Variants in NAV2 observed in about 807,000 individuals in gnomAD.
The protein encoded by NAV2 is helicase, APC down-regulated 1.
A neutral mutation model predicts 223.2 loss-of-function variants in NAV2; 54 were observed. The observed-to-expected ratio is 0.24, with a 90% CI of 0.19 to 0.30. NAV2 has a LOEUF of 0.30. Among genes scored for constraint, NAV2 ranks in the 10% least tolerant of loss-of-function variants. The pLI, the probability that NAV2 is intolerant of heterozygous loss-of-function variation, is 1.00. For synonymous variants in NAV2, 1,279 were observed against 1,239.3 expected, an observed-to-expected ratio of 1.03 and a Z score of -0.67; for missense variants, 2,806 against 3,147.5, an observed-to-expected ratio of 0.89 and a Z score of 2.60.
At chr11:19,939,957 C>G (rs1235248699) in intron 8 of NAV2, among the ~76,000 whole-genome samples, 184 bp downstream of exon 8, 2 of 145,522 alleles carry the variant, frequency 1.4e-5, no homozygotes, top group African/African-American at 2.5e-5. Flanking sequence ...CTTCCCTTTT[C>G]TCTCCCTCTT....
At chr11:19,893,634 T>C (rs2041696617) in intron 6 of NAV2, among the ~76,000 whole-genome samples, 1 of 152,110 alleles carries the variant, frequency 6.6e-6, no homozygotes, top group South Asian at 2.1e-4. Context: ...CCTCCCTACA[T>C]ATGAAGGAAA....
chr11:19,386,336 T>C (rs994427637), intron 1 of NAV2, among the ~76,000 whole-genome samples: 2 of 152,234 alleles, frequency 1.3e-5, no homozygotes, highest in Admixed American at 6.5e-5. Context: ...TGATGTCTTA[T>C]GTGATCTTGG....
intron 1 of NAV2, among the ~76,000 whole-genome samples, chr11:19,492,439 A>G (rs2042661097): frequency 6.6e-6 from 1 of 152,226 alleles, no homozygotes; most frequent in African/African-American, 2.4e-5. Context: ...GAGGGAGCAC[A>G]CTTTCTTCGT....
chr11:19,391,524 T>C (rs191555253), intron 1 of NAV2, among the ~76,000 whole-genome samples: 6 of 152,118 alleles, frequency 3.9e-5, no homozygotes, highest in South Asian at 2.1e-4. Context: ...TCCCCTTACA[T>C]TGGAGGAGGA....
At chr11:20,079,916 G>A (rs2059985952) in intron 24 of NAV2, 148 bp from the exon 25 acceptor site, 2 of 757,796 alleles carry the variant, frequency 2.6e-6, no homozygotes, top group Admixed American at 5.8e-5. Flanking sequence ...AAGGATCTTA[G>A]AAACAGCTGT....
intron 1 of NAV2, among the ~76,000 whole-genome samples, chr11:19,527,375 A>G (rs1376353259): frequency 1.3e-5 from 2 of 151,990 alleles, no homozygotes; most frequent in African/African-American, 4.8e-5. Flanking sequence ...CTTTTTCTTT[A>G]TAAATTACCC....
intron 1 of NAV2, among the ~76,000 whole-genome samples, chr11:19,607,334 C>G (rs1443830831): frequency 6.6e-6 from 1 of 152,208 alleles, no homozygotes; most frequent in East Asian, 1.9e-4. Context: ...CTCTAGCTGC[C>G]CTGTTCTTGC....
chr11:19,677,240 CAG>C (rs1389764247), intron 1 of NAV2, among the ~76,000 whole-genome samples: 1 of 152,252 alleles, frequency 6.6e-6, no homozygotes, highest in Non-Finnish European at 1.5e-5. Flanking sequence ...AGTCTGGCTG[CAG>C]AGTGATTTCC....
intron 1 of NAV2, chr11:19,384,487 T>G (rs2702695): frequency 0.94 from 142,602 of 152,306 alleles, 67,002 homozygotes; most frequent in Middle Eastern, 0.99. Context: ...TGGAACTATC[T>G]AGGATAGGGT....
intron 3 of NAV2, among the ~76,000 whole-genome samples, chr11:19,862,937 A>T (rs988679367): frequency 1.3e-5 from 2 of 152,050 alleles, no homozygotes; most frequent in Non-Finnish European, 2.9e-5. Context: ...TTAGTTTTGG[A>T]AAGAGACAGA....
intron 1 of NAV2, among the ~76,000 whole-genome samples, chr11:19,493,203 T>A (rs2042686780): frequency 6.7e-6 from 1 of 149,284 alleles, no homozygotes; most frequent in Non-Finnish European, 1.5e-5. Flanking sequence ...GGTTCTTCCC[T>A]CCCCCCATTA....
chr11:19,686,183 G>A (rs921512338), intron 1 of NAV2, among the ~76,000 whole-genome samples: 1 of 151,972 alleles, frequency 6.6e-6, no homozygotes, highest in Admixed American at 6.6e-5. Flanking sequence ...AGTCCCTATG[G>A]TGACATCGCT....
intron 1 of NAV2, among the ~76,000 whole-genome samples, chr11:19,408,839 A>C (rs1850017890): frequency 2.0e-5 from 3 of 151,908 alleles, no homozygotes; most frequent in Admixed American, 6.6e-5. Flanking sequence ...GGATGTTAAT[A>C]CTCCAAACTG....
rs764982602 is a variant in NAV2, at chr11:19,948,848, C to T, written c.2413C>T (p.Pro805Ser). 2 of 1,614,074 alleles carry T rather than the reference C, an allele frequency of 1.2e-6. No individual in the cohort carries two copies. The highest frequency in any genetic ancestry group is 2.2e-5 in the South Asian group (2 of 91,062). ...GDAPSMGNGY[P>S]PRANASRFIN... ...CGCCCCCTCAATGGGCAATGGGTAT[C>T]CCCCTCGAGCCAACGCCAGCAGGTT... The change falls in exon 10 of 38, where the codon CCC (proline) becomes TCC (serine). Residue 805 changes from proline (P) to serine (S), a missense_variant. Pro to Ser is a moderately conservative substitution (Grantham distance 74, BLOSUM62 -1). Coordinates refer to ENST00000349880, the MANE Select transcript of NAV2 (RefSeq NM_145117.5).
intron 1 of NAV2, among the ~76,000 whole-genome samples, chr11:19,543,852 C>T (rs1480511077): frequency 1.3e-5 from 2 of 152,122 alleles, no homozygotes; most frequent in African/African-American, 4.8e-5. Flanking sequence ...CTTATAGCTC[C>T]CCAAGTATTT....
chr11:19,906,797 A>C (rs1160686545), intron 6 of NAV2, among the ~76,000 whole-genome samples: 1 of 152,138 alleles, frequency 6.6e-6, no homozygotes, highest in African/African-American at 2.4e-5. Flanking sequence ...CAGCTGTTAA[A>C]GTAGAACTCC....
At chr11:20,103,565 G>T in intron 33 of NAV2, 88 bp from the exon 34 acceptor site, 2 of 1,521,254 alleles carry the variant, frequency 1.3e-6, no homozygotes, top group South Asian at 2.3e-5. Context: ...CACTGGCCTG[G>T]AAGCACAGGG....
chr11:19,664,971 G>T lies in NAV2; in HGVS notation c.76-167513G>T, dbSNP rs116671290. On this transcript the variant is annotated intron_variant, in intron 1 of 37. Transcript: ENST00000360655. Reference sequence around the variant, plus strand: ...CAGAGAAATTAAGTAACTTGCTCATGTCACACAGCTGATGGGTAAGTAGCA... The same window carrying T: ...CAGAGAAATTAAGTAACTTGCTCATTTCACACAGCTGATGGGTAAGTAGCA... Among the ~76,000 whole-genome samples the T allele has an allele frequency of 1.0e-2, 1,523 of 152,316 alleles. 24 individuals are homozygous for T. Among genetic ancestry groups the T allele is most frequent in the African/African-American group, 0.034 (1,423 of 41,550 alleles).
intron 1 of NAV2, among the ~76,000 whole-genome samples, chr11:19,632,138 T>C (rs1054383799): frequency 6.6e-6 from 1 of 152,206 alleles, no homozygotes; most frequent in African/African-American, 2.4e-5. Context: ...GGGACAGCTG[T>C]ATTGGTTGGA....
Sources: gnomAD v4.1 joint callset for allele counts (sites outside exome capture counted in the v4.1 genomes callset) on GRCh38, gnomAD v4.1.1 for gene constraint, MANE v1.5 for transcripts, NCBI Gene and HGNC (gene_info 2026-07-23, HGNC 2026-07-21) for gene names.